Variants in DLGAP2 observed in about 807,000 individuals in gnomAD.
DLGAP2 encodes the protein disks large-associated protein 2.
Under a neutral mutation model 100.3 loss-of-function variants are expected in DLGAP2, and 26 were observed. The ratio of observed to expected loss-of-function variants is 0.26; its 90% CI spans 0.19 to 0.36. DLGAP2 has a LOEUF of 0.36. DLGAP2 is among the 10% of genes least tolerant of loss of function. DLGAP2 has a pLI of 1.00. For synonymous variants in DLGAP2, 886 were observed against 630.1 expected (o/e 1.41, Z -6.08); for missense variants, 1,858 against 1,453.2 (o/e 1.28, Z -4.53).
intron 2 of DLGAP2, among the ~76,000 whole-genome samples, chr8:939,103 G>T (rs1478649549): frequency 1.3e-5 from 2 of 150,632 alleles, no homozygotes; most frequent in South Asian, 2.1e-4. Flanking sequence ...CTGGGAGTGG[G>T]AGGTGCAGAC....
chr8:1,386,347 C>T (rs1055553153), intron 3 of DLGAP2, among the ~76,000 whole-genome samples: 26 of 152,300 alleles, frequency 1.7e-4, no homozygotes, highest in Admixed American at 5.2e-4. Flanking sequence ...CAACATAGGC[C>T]GACACCCCTG....
chr8:1,633,927 A>C (rs142542850), intron 8 of DLGAP2, among the ~76,000 whole-genome samples: 1 of 152,352 alleles, frequency 6.6e-6, no homozygotes, highest in African/African-American at 2.4e-5. Context: ...AGCAAAGAGA[A>C]ATTCAGGCAG....
chr8:1,199,906 C>T (rs548035173), intron 2 of DLGAP2, among the ~76,000 whole-genome samples: 20 of 152,034 alleles, frequency 1.3e-4, no homozygotes, highest in African/African-American at 4.8e-4. Context: ...CGCCCCCTCC[C>T]CTGGTGATGA....
intron 2 of DLGAP2, among the ~76,000 whole-genome samples, chr8:1,039,233 G>A (rs547289309): frequency 2.1e-4 from 32 of 150,512 alleles, no homozygotes; most frequent in Non-Finnish European, 2.2e-4. Context: ...GGTTTCCGTG[G>A]TCAGCTCGGT....
chr8:1,352,492 C>T (rs1801759059), intron 3 of DLGAP2, among the ~76,000 whole-genome samples: 1 of 152,176 alleles, frequency 6.6e-6, no homozygotes, highest in South Asian at 2.1e-4. Context: ...AAACTCTTCC[C>T]ACCCCAGACA....
At chr8:1,351,791 G>T (rs1585289430) in intron 3 of DLGAP2, among the ~76,000 whole-genome samples, 1 of 76,722 alleles carries the variant, frequency 1.3e-5, no homozygotes, top group Non-Finnish European at 2.7e-5. Context: ...CTGACTGTGT[G>T]TGGAAAGGAC....
At chr8:981,981 G>C (rs1800344252) in intron 2 of DLGAP2, among the ~76,000 whole-genome samples, 1 of 152,116 alleles carries the variant, frequency 6.6e-6, no homozygotes, top group African/African-American at 2.4e-5. Flanking sequence ...CACATCCCTG[G>C]CCTTGGAAGT....
chr8:1,234,900 G>C (rs964975782), intron 2 of DLGAP2, among the ~76,000 whole-genome samples: 3 of 152,078 alleles, frequency 2.0e-5, no homozygotes, highest in Non-Finnish European at 4.4e-5. Context: ...TCCCTCTCAC[G>C]TGGCGCCATA....
chr8:929,035 C>T (rs543172478), intron 2 of DLGAP2, among the ~76,000 whole-genome samples: 62 of 126,896 alleles, frequency 4.9e-4, no homozygotes, highest in Non-Finnish European at 8.0e-4. Flanking sequence ...TCCCAGACCC[C>T]CTGCCATTCC....
At chr8:1,597,780 G>C (rs1796505492) in intron 6 of DLGAP2, among the ~76,000 whole-genome samples, 1 of 152,160 alleles carries the variant, frequency 6.6e-6, no homozygotes, top group Non-Finnish European at 1.5e-5. Flanking sequence ...TGAGACAATG[G>C]GGTTTTCTAC....
intron 2 of DLGAP2, among the ~76,000 whole-genome samples, chr8:1,106,634 A>G (rs1234202765): frequency 2.8e-5 from 4 of 143,446 alleles, no homozygotes; most frequent in African/African-American, 7.9e-5. Flanking sequence ...TATTGAAGGG[A>G]GCCATTCTAG....
Position 1,276,762 on chromosome 8 carries a change from C to T in DLGAP2, c.106+17879C>T, listed in dbSNP as rs144726963. Among the ~76,000 whole-genome samples the T allele has an allele frequency of 3.8e-3, 577 of 152,178 alleles. 3 individuals carry two copies. The highest frequency in any genetic ancestry group is 0.013 in the African/African-American group (542 of 41,522). ...CTTTAAATGTAGTGCTTATTTAAAA[C>T]GTAAAGTTGTTTTCATTGTTTAATT... On this transcript the variant is annotated intron_variant, in intron 3 of 14. Transcript: ENST00000637795.
chr8:1,300,432 C>G (rs1024230011), intron 3 of DLGAP2: 1 of 152,228 alleles, frequency 6.6e-6, no homozygotes, highest in Non-Finnish European at 1.5e-5. Flanking sequence ...TCCCCAGATG[C>G]ATAACAGGAG....
chr8:1,204,158 G>C (rs1192007350), intron 2 of DLGAP2, among the ~76,000 whole-genome samples: 1 of 152,250 alleles, frequency 6.6e-6, no homozygotes, highest in Non-Finnish European at 1.5e-5. Context: ...ACAGACCAGA[G>C]TTTGAGTAGT....
chr8:1,493,817 C>T (rs775224603), intron 3 of DLGAP2, among the ~76,000 whole-genome samples: 2 of 152,186 alleles, frequency 1.3e-5, no homozygotes, highest in Admixed American at 6.5e-5. Flanking sequence ...AAGGGGTGGA[C>T]GCGGCACGAC....
chr8:1,060,545 G>A (rs1018087847), intron 2 of DLGAP2, among the ~76,000 whole-genome samples: 3 of 152,184 alleles, frequency 2.0e-5, no homozygotes, highest in African/African-American at 7.2e-5. Context: ...AAGGATGCCT[G>A]TCATCAGATT....
At chr8:1,118,867 C>G (rs1795964103) in intron 2 of DLGAP2, among the ~76,000 whole-genome samples, 1 of 152,174 alleles carries the variant, frequency 6.6e-6, no homozygotes, top group African/African-American at 2.4e-5. Flanking sequence ...CGAAATGACA[C>G]CAACACCTAT....
Position 1,493,148 on chromosome 8 carries a change from C to T in DLGAP2, c.107-8218C>T, listed in dbSNP as rs192930903. 9.2e-5 allele frequency among the ~76,000 whole-genome samples: 14 copies of T among 152,334 alleles called. No individual in the cohort carries two copies. The East Asian group carries it at 2.7e-3, about 29-fold the overall frequency. The stretch of plus-strand genomic sequence containing the variant: ...GGTAGAACCAGGCGGATCCGTGTAG[C>T]AAGAACTCGGGGAGAAGAGGCAGTG... On this transcript the variant is annotated intron_variant, in intron 3 of 14. Transcript: ENST00000637795.
intron 1 of DLGAP2, among the ~76,000 whole-genome samples, chr8:763,316 G>T (rs938964487): frequency 2.6e-5 from 4 of 152,188 alleles, no homozygotes; most frequent in Non-Finnish European, 4.4e-5. Context: ...TTGAAGTGAA[G>T]ATCACTGTTA....
Sources: gnomAD v4.1 joint callset for allele counts (sites outside exome capture counted in the v4.1 genomes callset) on GRCh38, gnomAD v4.1.1 for gene constraint, MANE v1.5 for transcripts, NCBI Gene and HGNC (gene_info 2026-07-23, HGNC 2026-07-21) for gene names.